The following NKAIN2 variants were observed in gnomAD, a reference collection of about 807,000 sequenced individuals.
NKAIN2 encodes sodium/potassium-transporting ATPase subunit beta-1-interacting protein 2.
In NKAIN2, 14 loss-of-function variants were observed where a neutral mutation model predicts 32.6. The ratio of observed to expected loss-of-function variants is 0.43; its 90% CI spans 0.28 to 0.67. The LOEUF (loss-of-function observed/expected upper bound fraction) is 0.67, where lower values mean the gene tolerates loss of function less well. Ranked by LOEUF, NKAIN2 falls within the 30% of genes least tolerant of loss-of-function variation. The pLI is 0.17. For missense variants in NKAIN2, 198 were observed against 258.3 expected (o/e 0.77, Z 1.60); for synonymous variants, 80 against 87.2 (o/e 0.92, Z 0.46).
intron 1 of NKAIN2, among the ~76,000 whole-genome samples, chr6:124,063,358 CAAAAT>C (rs1783010978): frequency 1.3e-5 from 2 of 152,016 alleles, no homozygotes; most frequent in South Asian, 4.2e-4. Context: ...TAATATTAGA[CAAAAT>C]AAAGATCATT....
chr6:124,304,073 A>C (rs926369773), intron 2 of NKAIN2, among the ~76,000 whole-genome samples: 12 of 152,200 alleles, frequency 7.9e-5, no homozygotes, highest in African/African-American at 2.7e-4. Context: ...TATTGATAAC[A>C]GGTTGAAACT....
intron 3 of NKAIN2, among the ~76,000 whole-genome samples, chr6:124,547,079 GT>G (rs527835748): frequency 2.8e-4 from 42 of 148,842 alleles, no homozygotes; most frequent in Middle Eastern, 3.5e-3. Flanking sequence ...GAACATCAAG[GT>G]TTTTTTTTTC....
chr6:124,488,579 A>G (rs1777742921), intron 3 of NKAIN2, among the ~76,000 whole-genome samples: 1 of 152,026 alleles, frequency 6.6e-6, no homozygotes, highest in Admixed American at 6.6e-5. Context: ...CTGGTTCTTA[A>G]ACTTGTAAGC....
intron 1 of NKAIN2, among the ~76,000 whole-genome samples, chr6:124,240,424 C>A (rs1348645625): frequency 6.6e-6 from 1 of 152,036 alleles, no homozygotes. Flanking sequence ...ATATCAAAAC[C>A]CGGTAGAGAC....
chr6:124,023,962 G>C (rs988261805), intron 1 of NKAIN2, among the ~76,000 whole-genome samples: 7 of 152,082 alleles, frequency 4.6e-5, no homozygotes, highest in African/African-American at 1.7e-4. Flanking sequence ...TAAGATTTAT[G>C]TTTAGGGATG....
intron 4 of NKAIN2, among the ~76,000 whole-genome samples, chr6:124,666,618 A>T (rs190916663): frequency 5.9e-5 from 9 of 152,306 alleles, no homozygotes; most frequent in African/African-American, 2.2e-4. Flanking sequence ...AGTCAACAGT[A>T]TACAATTATC....
intron 1 of NKAIN2, among the ~76,000 whole-genome samples, chr6:123,880,855 GATA>G (rs1475325814): frequency 6.6e-6 from 1 of 152,128 alleles, no homozygotes; most frequent in Admixed American, 6.5e-5. Context: ...AGCTATCTTT[GATA>G]GAGTGGCAAA....
chr6:123,996,065 G>C (rs1181538307), intron 1 of NKAIN2, among the ~76,000 whole-genome samples: 1 of 152,046 alleles, frequency 6.6e-6, no homozygotes, highest in Non-Finnish European at 1.5e-5. Flanking sequence ...AAGTCTAAAA[G>C]CTTGTATCTT....
intron 4 of NKAIN2, among the ~76,000 whole-genome samples, chr6:124,720,715 G>A (rs1775970612): frequency 6.6e-6 from 1 of 152,138 alleles, no homozygotes; most frequent in Non-Finnish European, 1.5e-5. Flanking sequence ...TCGTGGGACT[G>A]GGCGACACCT....
chr6:124,327,914 C>T (rs1391954796), intron 2 of NKAIN2, among the ~76,000 whole-genome samples: 1 of 152,052 alleles, frequency 6.6e-6, no homozygotes, highest in Non-Finnish European at 1.5e-5. Context: ...TCATGGTTTT[C>T]CATATTCTCT....
chr6:124,693,119 TCTC>T (rs1774338409), intron 4 of NKAIN2, among the ~76,000 whole-genome samples: 1 of 152,166 alleles, frequency 6.6e-6, no homozygotes, highest in Non-Finnish European at 1.5e-5. Flanking sequence ...TGTATAGAAT[TCTC>T]CTGCCTTGGG....
intron 1 of NKAIN2, among the ~76,000 whole-genome samples, chr6:123,992,206 A>G (rs1213730238): frequency 2.0e-5 from 3 of 152,178 alleles, no homozygotes; most frequent in Non-Finnish European, 4.4e-5. Context: ...GATGTTCAAG[A>G]GAGAGAAAGG....
At chr6:124,229,121 G>T (rs1792285977) in intron 1 of NKAIN2, among the ~76,000 whole-genome samples, 1 of 152,138 alleles carries the variant, frequency 6.6e-6, no homozygotes, top group African/African-American at 2.4e-5. Context: ...TCTATTTTCT[G>T]CACTAGCCTA....
intron 1 of NKAIN2, among the ~76,000 whole-genome samples, chr6:124,202,850 C>A (rs890813766): frequency 5.9e-5 from 9 of 151,468 alleles, no homozygotes; most frequent in African/African-American, 2.2e-4. Context: ...GGATTCTTGG[C>A]CAAGTCATAG....
intron 1 of NKAIN2, among the ~76,000 whole-genome samples, chr6:124,068,284 A>G (rs1347859575): frequency 6.6e-6 from 1 of 152,202 alleles, no homozygotes; most frequent in East Asian, 1.9e-4. Flanking sequence ...TATTCATTTC[A>G]ATAAATGTTT....
chr6:123,932,941 C>T (rs942062683), intron 1 of NKAIN2, among the ~76,000 whole-genome samples: 4 of 152,082 alleles, frequency 2.6e-5, no homozygotes, highest in African/African-American at 9.7e-5. Flanking sequence ...TCCAACAGAT[C>T]TCCCTACATT....
intron 1 of NKAIN2, among the ~76,000 whole-genome samples, chr6:123,810,412 A>G (rs569619398): frequency 6.6e-6 from 1 of 152,238 alleles, no homozygotes; most frequent in South Asian, 2.1e-4. Context: ...GATTGATGTC[A>G]GGCTCCTGTC....
intron 1 of NKAIN2, among the ~76,000 whole-genome samples, chr6:123,816,754 A>G (rs1773709545): frequency 6.6e-6 from 1 of 152,134 alleles, no homozygotes; most frequent in Admixed American, 6.5e-5. Flanking sequence ...GAAGTGAGAC[A>G]CTAGAAGAGG....
chr6:124,151,875 GTATT>G lies in NKAIN2; in HGVS notation c.55-131126_55-131123del, dbSNP rs527527453. On this transcript the variant is annotated intron_variant, in intron 1 of 6. Transcript: ENST00000368417. ...TATTAATTTATAGGAATTTAAAAAT[GTATT>G]TATATATGCTAGATACAACTCTTTA... 1.3e-3 allele frequency among the ~76,000 whole-genome samples: 200 copies of G among 151,922 alleles called. 1 individual carries two copies. Among genetic ancestry groups the G allele is most frequent in the African/African-American group, 4.5e-3 (187 of 41,500 alleles).
Sources: allele counts gnomAD v4.1 joint callset (sites outside exome capture counted in the v4.1 genomes callset), GRCh38; gene constraint gnomAD v4.1.1; transcripts MANE v1.5; gene names NCBI Gene and HGNC (gene_info 2026-07-23, HGNC 2026-07-21).